Variants in MARK2 observed in about 807,000 individuals in gnomAD.
MARK2 encodes serine/threonine-protein kinase MARK2.
Under a neutral mutation model 89.8 loss-of-function variants are expected in MARK2, and 16 were observed. The observed-to-expected ratio is 0.18, with a 90% CI of 0.12 to 0.27. The LOEUF (loss-of-function observed/expected upper bound fraction) is 0.27, where lower values mean the gene tolerates loss of function less well. Among genes scored for constraint, MARK2 ranks in the 10% least tolerant of loss-of-function variants. MARK2 has a pLI of 1.00. For missense variants in MARK2, 621 were observed against 1,049.9 expected (o/e 0.59, Z 5.65); for synonymous variants, 382 against 399.5 (o/e 0.96, Z 0.52).
chr11:63,895,545 A>G (rs776856383), intron 2 of MARK2, 35 bp from the exon 3 acceptor site: 8 of 1,600,046 alleles, frequency 5.0e-6, no homozygotes, highest in East Asian at 4.5e-5. Context: ...CGCTGGTCAG[A>G]GAAGTGATTT....
intron 1 of MARK2, chr11:63,888,478 ACTTCCGGGGAGGGG>A: frequency 2.1e-6 from 2 of 959,864 alleles, no homozygotes; most frequent in Non-Finnish European, 2.4e-6. Flanking sequence ...GGGGCTGCCC[ACTTCCGGGGAGGGG>A]GGGAGGGGGA....
intron 1 of MARK2, among the ~76,000 whole-genome samples, chr11:63,864,360 C>T (rs866435953): frequency 5.9e-5 from 9 of 152,196 alleles, no homozygotes; most frequent in Non-Finnish European, 1.3e-4. Context: ...TCAAGCGATT[C>T]TCCTGCCTCA....
At chr11:63,846,822 A>AT (rs986415318) in intron 1 of MARK2, among the ~76,000 whole-genome samples, 27 of 151,530 alleles carry the variant, frequency 1.8e-4, no homozygotes, top group African/African-American at 6.3e-4. Context: ...CACCCGGCTA[A>AT]TTTTTTTGTA....
At chr11:63,877,985 C>G (rs1163613033) in intron 1 of MARK2, among the ~76,000 whole-genome samples, 1 of 152,218 alleles carries the variant, frequency 6.6e-6, no homozygotes, top group Admixed American at 6.5e-5. Context: ...GATACCTGCC[C>G]AGGCCATGGC....
intron 1 of MARK2, among the ~76,000 whole-genome samples, chr11:63,879,162 C>A (rs1161294502): frequency 6.6e-6 from 1 of 152,060 alleles, no homozygotes; most frequent in Non-Finnish European, 1.5e-5. Flanking sequence ...AAAAAATAAT[C>A]TGGGCCTGGT....
At chr11:63,892,183 G>C (rs1939912363) in intron 1 of MARK2, among the ~76,000 whole-genome samples, 1 of 152,162 alleles carries the variant, frequency 6.6e-6, no homozygotes, top group Non-Finnish European at 1.5e-5. Flanking sequence ...CCTCTTCTGG[G>C]ATGTGAGGAG....
At chr11:63,899,167 T>C (rs985852743) in intron 7 of MARK2, 59 bp downstream of exon 7, 1 of 1,077,826 alleles carries the variant, frequency 9.3e-7, no homozygotes, top group East Asian at 2.4e-5. Context: ...GCCTCTTGGT[T>C]CTCCATGATA....
intron 1 of MARK2, among the ~76,000 whole-genome samples, chr11:63,841,892 T>C (rs952555857): frequency 2.6e-5 from 4 of 152,248 alleles, no homozygotes; most frequent in Admixed American, 6.5e-5. Flanking sequence ...GCTGAGCATA[T>C]AGTAGGAATT....
At position 63,854,474 on chromosome 11, in the gene MARK2, C is replaced by T. The variant is rs180878051; in HGVS notation, c.54+14914C>T. Among the ~76,000 whole-genome samples the T allele has an allele frequency of 3.1e-3, 471 of 150,488 alleles. 3 individuals are homozygous for T. Among genetic ancestry groups the T allele is most frequent in the African/African-American group, 0.011 (439 of 40,864 alleles). On this transcript the variant is annotated intron_variant, in intron 1 of 18. Coordinates refer to ENST00000402010, the MANE Select transcript of MARK2 (RefSeq NM_001039469.3). The stretch of plus-strand genomic sequence containing the variant: ...TCAAGTGATCCACCTGCCTCAGCCT[C>T]CCACAGTGCTGGGATTACAGGCATA...
At position 63,909,411 on chromosome 11, in the gene MARK2, ATTGT is replaced by A; in HGVS notation, c.*176_*179del. 1.6e-6 allele frequency: 1 copy of A among 634,606 alleles called. No homozygotes were observed. Among genetic ancestry groups the A allele is most frequent in the Non-Finnish European group, 2.5e-6 (1 of 396,402 alleles). The allele number at this position is 634,606 out of a possible 1,614,324, so 39.3% of individuals were successfully genotyped here. A position where few individuals can be genotyped will look rare whatever the true frequency, so the allele number is the denominator to read the frequency against. ...CTTACATGTTTGTGGGGGGTGGGAG[ATTGT>A]TCTCCAGCACCCCACATTCACCCCT... On this transcript the variant is annotated 3_prime_UTR_variant, in exon 19 of 19. Transcript: ENST00000402010.
At chr11:63,883,259 A>C (rs550834045) in intron 1 of MARK2, among the ~76,000 whole-genome samples, 1 of 152,184 alleles carries the variant, frequency 6.6e-6, no homozygotes, top group Non-Finnish European at 1.5e-5. Flanking sequence ...GGGCGAAGGC[A>C]TGGGCACCAT....
chr11:63,900,438 C>T lies in MARK2; in HGVS notation c.769-121C>T. ...GGTGTCTTGTCCCCAGGCTGTCTGC[C>T]TTCTTCCATATTTCATTTATGTCTG... On this transcript the variant is annotated intron_variant, in intron 8 of 18. Coordinates refer to ENST00000402010, the MANE Select transcript of MARK2 (RefSeq NM_001039469.3). This position sits in a 1 kb window ranked among gnomAD's most constrained non-coding sequence, Gnocchi z 4.7. 1 of 1,224,246 alleles carries T rather than the reference C, an allele frequency of 8.2e-7. No individual in the cohort carries two copies. The highest frequency in any genetic ancestry group is 2.3e-5 in the East Asian group (1 of 42,960). 75.8% of individuals were successfully genotyped at this position (1,224,246 alleles called of 1,614,324 possible).
intron 1 of MARK2, among the ~76,000 whole-genome samples, chr11:63,878,154 C>A (rs181594318): frequency 6.6e-6 from 1 of 152,158 alleles, no homozygotes; most frequent in African/African-American, 2.4e-5. Flanking sequence ...GGTACTGTTG[C>A]AGGTTGTCTT....
At chr11:63,864,321 C>A (rs1475302735) in intron 1 of MARK2, among the ~76,000 whole-genome samples, 1 of 151,920 alleles carries the variant, frequency 6.6e-6, no homozygotes, top group South Asian at 2.1e-4. Flanking sequence ...GGCTTGATCT[C>A]GGCTCACCGC....
chr11:63,846,947 C>T (rs1219010229), intron 1 of MARK2, among the ~76,000 whole-genome samples: 12 of 152,192 alleles, frequency 7.9e-5, no homozygotes, highest in Admixed American at 4.6e-4. Context: ...GGAGCCACCG[C>T]GCCCAGCCCA....
At chr11:63,875,584 G>T (rs1487537565) in intron 1 of MARK2, among the ~76,000 whole-genome samples, 1 of 152,164 alleles carries the variant, frequency 6.6e-6, no homozygotes, top group African/African-American at 2.4e-5. Flanking sequence ...AAAATTTCTA[G>T]TTCTGGCGTC....
chr11:63,895,698 T>C, intron 3 of MARK2, 65 bp downstream of exon 3: 2 of 1,269,384 alleles, frequency 1.6e-6, no homozygotes, highest in African/African-American at 1.9e-5. Context: ...AGTCAGAGCC[T>C]CACTCTTGTC....
At chr11:63,883,467 C>G (rs1356232565) in intron 1 of MARK2, among the ~76,000 whole-genome samples, 1 of 152,318 alleles carries the variant, frequency 6.6e-6, no homozygotes, top group South Asian at 2.1e-4. Context: ...CCAGAGAACC[C>G]TTGGAGAGGG....
At chr11:63,877,264 C>T (rs938000454) in intron 1 of MARK2, among the ~76,000 whole-genome samples, 9 of 151,714 alleles carry the variant, frequency 5.9e-5, no homozygotes, top group Non-Finnish European at 1.2e-4. Flanking sequence ...GTGCCCACCA[C>T]CACGCCTGGC....
Sources: allele counts gnomAD v4.1 joint callset (sites outside exome capture counted in the v4.1 genomes callset), GRCh38; gene constraint gnomAD v4.1.1; non-coding constraint Gnocchi (gnomAD v3.1); transcripts MANE v1.5; gene names NCBI Gene and HGNC (gene_info 2026-07-23, HGNC 2026-07-21).